The following NGLY1 variants were observed in gnomAD, a reference collection of about 807,000 sequenced individuals.
NGLY1 encodes the protein peptide-N(4)-(N-acetyl-beta-glucosaminyl)asparagine amidase.
Under a neutral mutation model 84.6 loss-of-function variants are expected in NGLY1, and 68 were observed. That is an observed-to-expected ratio of 0.80 (90% CI 0.66 to 0.98). NGLY1 has a LOEUF of 0.98. Among genes scored for constraint, NGLY1 ranks in the 50% least tolerant of loss-of-function variants. The pLI, the probability that NGLY1 is intolerant of heterozygous loss-of-function variation, is 0.00. For synonymous variants in NGLY1, 280 were observed against 275.2 expected (o/e 1.02, Z -0.17); for missense variants, 779 against 770.2 (o/e 1.01, Z -0.14).
At chr3:25,785,535 T>TTC (rs71087726), upstream of NGLY1, among the ~76,000 whole-genome samples, 5 of 151,550 alleles carry the variant, frequency 3.3e-5, no homozygotes, top group African/African-American at 1.2e-4. Flanking sequence ...TTTTTTTTTT[T>TTC]CAAATAAAAT....
intron 3 of NGLY1, among the ~76,000 whole-genome samples, chr3:25,752,423 T>C (rs1040346370): frequency 2.0e-5 from 3 of 151,994 alleles, no homozygotes; most frequent in African/African-American, 7.2e-5. Context: ...GGTTTCACCA[T>C]ATTGGCCAGG....
intron 10 of NGLY1, 99 bp downstream of exon 10, chr3:25,729,033 AT>A (rs1705403973): frequency 1.3e-6 from 1 of 749,378 alleles, no homozygotes; most frequent in African/African-American, 1.8e-5. Flanking sequence ...AATAAGTTTG[AT>A]ATATCAGTTT....
intron 2 of NGLY1, among the ~76,000 whole-genome samples, chr3:25,765,596 A>T (rs184505352): frequency 1.3e-5 from 2 of 152,198 alleles, no homozygotes; most frequent in Non-Finnish European, 2.9e-5. Context: ...TGAACAAGAC[A>T]TTACTCAATG....
chr3:25,763,744 A>G (rs1333541029), intron 3 of NGLY1, among the ~76,000 whole-genome samples: 1 of 152,220 alleles, frequency 6.6e-6, no homozygotes, highest in African/African-American at 2.4e-5. Context: ...AGCATCCACT[A>G]TCATTAAATT....
At chr3:25,725,033 C>T (rs1705180936) in intron 10 of NGLY1, among the ~76,000 whole-genome samples, 3 of 152,184 alleles carry the variant, frequency 2.0e-5, no homozygotes, top group Admixed American at 1.3e-4. Context: ...CCTACCTTGT[C>T]TGATTATGGG....
Position 25,783,338 on chromosome 3 carries a change from G to A in NGLY1, c.53C>T (p.Ala18Val), listed in dbSNP as rs776883349. The A allele has an allele frequency of 8.8e-6, 14 of 1,585,466 alleles. No individual in the cohort carries two copies. The Admixed American group carries it at 2.3e-4, about 26-fold the overall frequency. ...SSSGSASPAV[A>V]ELCQNTPETF... ...CTCCGGGGTGTTCTGGCAGAGCTCA[G>A]CCACGGCCGGGGACGCCGAGCCTGA... Residue 18 changes from alanine to valine, a missense_variant, in exon 1 of 12, where the codon GCT (alanine) becomes GTT (valine). By Grantham distance (64) the Ala-to-Val change is moderately conservative. Transcript: ENST00000280700. The surrounding 1 kb of genome is among the most constrained non-coding windows in gnomAD (Gnocchi z 4.5).
At chr3:25,765,858 A>G (rs1243241792) in intron 2 of NGLY1, among the ~76,000 whole-genome samples, 1 of 151,938 alleles carries the variant, frequency 6.6e-6, no homozygotes, top group Non-Finnish European at 1.5e-5. Context: ...TCAGCCTCCC[A>G]GCAGCTAGGA....
intron 4 of NGLY1, among the ~76,000 whole-genome samples, chr3:25,749,290 A>G (rs1412645765): frequency 6.6e-6 from 1 of 152,240 alleles, no homozygotes; most frequent in African/African-American, 2.4e-5. Flanking sequence ...TAAAGTATTT[A>G]AACACCCACG....
At chr3:25,740,859 G>A (rs1706101282) in intron 4 of NGLY1, among the ~76,000 whole-genome samples, 1 of 151,944 alleles carries the variant, frequency 6.6e-6, no homozygotes, top group South Asian at 2.1e-4. Flanking sequence ...AGGTGTGGCG[G>A]CTCACAGCTC....
At chr3:25,736,846 G>A (rs76563236) in intron 6 of NGLY1, 2,375 of 159,418 alleles carry the variant, frequency 0.015, 69 homozygotes, top group African/African-American at 0.054. Flanking sequence ...TAAATGCCAC[G>A]GTAAATTGCT....
At position 25,783,201 on chromosome 3, in the gene NGLY1, A is replaced by G; in HGVS notation, c.131+59T>C. On this transcript the variant is annotated intron_variant, in intron 1 of 11. Coordinates refer to ENST00000280700, the MANE Select transcript of NGLY1 (RefSeq NM_018297.4). The surrounding 1 kb of genome is among the most constrained non-coding windows in gnomAD (Gnocchi z 4.5). Reference sequence around the variant, plus strand: ...GGCCGGACGCCCCAGTCCCTGGCCGAACAAGGTGCCGCGGCCCACCCACCC... The same window carrying G: ...GGCCGGACGCCCCAGTCCCTGGCCGGACAAGGTGCCGCGGCCCACCCACCC... 6.6e-7 allele frequency: 1 copy of G among 1,520,924 alleles called. No homozygotes were observed. The highest frequency in any genetic ancestry group is 2.1e-4 in the Middle Eastern group (1 of 4,864). The allele number at this position is 1,520,924 out of a possible 1,614,324, so 94.2% of individuals were successfully genotyped here. A position where few individuals can be genotyped will look rare whatever the true frequency, so the allele number is the denominator to read the frequency against.
At position 25,732,411 on chromosome 3, in the gene NGLY1, T is replaced by G. The variant is rs144144643; in HGVS notation, c.1333A>C (p.Ile445Leu). ...CCAGGTTTAGGGGTTTTGGGAGATA[T>G]AAATTCAACAAGCTCCACAATTATC... Reference protein sequence around the residue: ...QRIIVELVEFISPKTPKPGEL... With the variant: ...QRIIVELVEFLSPKTPKPGEL... The change falls in exon 9 of 12, where the codon ATA (isoleucine) becomes CTA (leucine). Residue 445 changes from isoleucine (I) to leucine (L), a missense_variant. Transcript: ENST00000280700. 230 of 1,613,650 alleles carry G rather than the reference T, an allele frequency of 1.4e-4. 1 individual carries two copies. The highest frequency in any genetic ancestry group is 4.4e-5 in the Non-Finnish European group (52 of 1,179,738).
intron 4 of NGLY1, among the ~76,000 whole-genome samples, chr3:25,748,114 T>C (rs1320489117): frequency 6.6e-6 from 1 of 152,160 alleles, no homozygotes; most frequent in Non-Finnish European, 1.5e-5. Flanking sequence ...TTTCCCTGAC[T>C]CCAGCCCCTT....
intron 5 of NGLY1, among the ~76,000 whole-genome samples, chr3:25,738,301 T>C (rs977210196): frequency 3.3e-5 from 5 of 152,218 alleles, no homozygotes; most frequent in Non-Finnish European, 7.3e-5. Context: ...TTTTACTCTT[T>C]TGAAGTATTT....
intron 2 of NGLY1, among the ~76,000 whole-genome samples, chr3:25,768,422 T>TAA (rs71087723): frequency 1.5e-5 from 2 of 134,426 alleles, no homozygotes. Context: ...AAACTCCATC[T>TAA]AAAAAAAAAA....
upstream of NGLY1, among the ~76,000 whole-genome samples, chr3:25,788,269 G>A (rs963589523): frequency 9.2e-5 from 14 of 152,170 alleles, no homozygotes; most frequent in African/African-American, 1.4e-4. Context: ...CAGTTTGCTG[G>A]GTGGCAAGCT....
chr3:25,774,027 T>C (rs967101409), intron 2 of NGLY1, among the ~76,000 whole-genome samples: 8 of 151,898 alleles, frequency 5.3e-5, no homozygotes, highest in Non-Finnish European at 7.4e-5. Context: ...GGCAGGGGAG[T>C]GAAGTGGACT....
At chr3:25,749,754 T>A in intron 4 of NGLY1, 1 of 1,518,114 alleles carries the variant, frequency 6.6e-7, no homozygotes, top group East Asian at 2.2e-5. Flanking sequence ...GAAGTGCTGC[T>A]GATGTGCAAC....
chr3:25,749,317 T>A lies in NGLY1; in HGVS notation c.658+1781A>T, dbSNP rs181728711. 2.1e-3 allele frequency among the ~76,000 whole-genome samples: 315 copies of A among 152,332 alleles called. 2 individuals are homozygous for A. Among genetic ancestry groups the A allele is most frequent in the African/African-American group, 7.1e-3 (297 of 41,570 alleles). On this transcript the variant is annotated intron_variant, in intron 4 of 11. Coordinates refer to ENST00000280700, the MANE Select transcript of NGLY1 (RefSeq NM_018297.4). The stretch of plus-strand genomic sequence containing the variant: ...ACACCCACGTTCATAGCAACATTAT[T>A]CACAATAGCCAAAATATTGAAACAA...
Sources: allele counts gnomAD v4.1 joint callset (sites outside exome capture counted in the v4.1 genomes callset), GRCh38; gene constraint gnomAD v4.1.1; non-coding constraint Gnocchi (gnomAD v3.1); transcripts MANE v1.5; gene names NCBI Gene and HGNC (gene_info 2026-07-23, HGNC 2026-07-21).